FBXO31: variants seen among roughly 807,000 people sequenced by gnomAD.
The protein encoded by FBXO31 is F-box protein 31.
A neutral mutation model predicts 54.4 loss-of-function variants in FBXO31; 24 were observed. That is an observed-to-expected ratio of 0.44 (90% CI 0.32 to 0.62). The LOEUF (loss-of-function observed/expected upper bound fraction) is 0.62. FBXO31 is among the 20% of genes least tolerant of loss of function. The pLI is 0.05. For synonymous variants in FBXO31, 388 were observed against 335.6 expected (o/e 1.16, Z -1.71); for missense variants, 665 against 787.1 (o/e 0.84, Z 1.86).
intron 2 of FBXO31, among the ~76,000 whole-genome samples, chr16:87,357,666 C>A (rs906119204): frequency 2.0e-5 from 3 of 152,090 alleles, no homozygotes; most frequent in Non-Finnish European, 2.9e-5. Context: ...AACTGTTAGC[C>A]AGGCACGGTA....
chr16:87,351,337 T>C (rs1276138059), intron 2 of FBXO31, among the ~76,000 whole-genome samples: 1 of 152,186 alleles, frequency 6.6e-6, no homozygotes, highest in East Asian at 1.9e-4. Context: ...ATTTTTATTA[T>C]AAACATGTCA....
At chr16:87,367,440 GT>G (rs1446514464) in intron 1 of FBXO31, 1 of 152,210 alleles carries the variant, frequency 6.6e-6, no homozygotes, top group Non-Finnish European at 1.5e-5. Context: ...TCCCAGGGGG[GT>G]CCTGCCAGTG....
intron 1 of FBXO31, among the ~76,000 whole-genome samples, chr16:87,365,385 CAATT>C (rs1403447037): frequency 1.3e-5 from 2 of 152,142 alleles, no homozygotes; most frequent in African/African-American, 4.8e-5. Flanking sequence ...CAATTGTAAA[CAATT>C]AATATTGCCC....
chr16:87,386,578 C>A (rs374113290), upstream of FBXO31, among the ~76,000 whole-genome samples: 1 of 152,178 alleles, frequency 6.6e-6, no homozygotes, highest in African/African-American at 2.4e-5. Context: ...GGATTACAGG[C>A]GAGTGCCACC....
chr16:87,364,747 T>C (rs931922755), intron 1 of FBXO31, among the ~76,000 whole-genome samples: 3 of 151,740 alleles, frequency 2.0e-5, no homozygotes, highest in African/African-American at 7.3e-5. Flanking sequence ...AAACATTTTA[T>C]CTGGTGGCTC....
intron 2 of FBXO31, among the ~76,000 whole-genome samples, chr16:87,357,327 CTTTT>C (rs34678078): frequency 2.4e-5 from 3 of 123,404 alleles, no homozygotes; most frequent in Admixed American, 8.4e-5. Context: ...GAATTCGGTT[CTTTT>C]TTTTTTTTTT....
At chr16:87,380,373 C>T (rs150923263) in intron 1 of FBXO31, among the ~76,000 whole-genome samples, 155 of 151,562 alleles carry the variant, frequency 1.0e-3, no homozygotes, top group African/African-American at 3.6e-3. Flanking sequence ...TGGGGATGGC[C>T]GGAAATATGC....
intron 1 of FBXO31, among the ~76,000 whole-genome samples, chr16:87,375,208 G>A (rs768597176): frequency 1.3e-5 from 2 of 152,192 alleles, no homozygotes; most frequent in Non-Finnish European, 2.9e-5. Context: ...TGGAGAGGCT[G>A]AGGCAGGAGA....
intron 8 of FBXO31, among the ~76,000 whole-genome samples, chr16:87,331,893 A>C (rs1316897077): frequency 6.6e-6 from 1 of 152,230 alleles, no homozygotes; most frequent in Non-Finnish European, 1.5e-5. Context: ...CACACATTTC[A>C]TAAAGGAGGC....
intron 2 of FBXO31, among the ~76,000 whole-genome samples, chr16:87,357,402 T>C (rs1905942450): frequency 6.7e-6 from 1 of 149,804 alleles, no homozygotes; most frequent in African/African-American, 2.5e-5. Context: ...TGATCTCGGC[T>C]CACTGCAACC....
At chr16:87,368,306 A>G (rs995326672) in intron 1 of FBXO31, among the ~76,000 whole-genome samples, 11 of 152,214 alleles carry the variant, frequency 7.2e-5, no homozygotes, top group Admixed American at 6.5e-4. Flanking sequence ...TATTTTCCAC[A>G]TGATGAAAAA....
chr16:87,352,997 G>A (rs1489810295), intron 2 of FBXO31, among the ~76,000 whole-genome samples: 3 of 152,208 alleles, frequency 2.0e-5, no homozygotes, highest in Admixed American at 1.3e-4. Flanking sequence ...GATTTTGTGG[G>A]TGGATGCCCC....
chr16:87,390,586 G>A (rs570013366), upstream of FBXO31, among the ~76,000 whole-genome samples: 389 of 150,670 alleles, frequency 2.6e-3, no homozygotes, highest in African/African-American at 8.8e-3. Context: ...GATTACAGGC[G>A]CCTGCCACCA....
chr16:87,327,233 A>T lies in FBXO31; in HGVS notation c.*4055T>A, dbSNP rs1567609915. The T allele has an allele frequency of 6.5e-6, 1 of 152,822 alleles. No individual in the cohort carries two copies. Among genetic ancestry groups the T allele is most frequent in the Non-Finnish European group, 1.5e-5 (1 of 68,554 alleles). 9.5% of individuals were successfully genotyped at this position (152,822 alleles called of 1,614,324 possible). Reference sequence around the variant, plus strand: ...CAAATGCAGAATCAGGCCAAAACCCACACAGCCCTGACCCCCTCGTGCTCT... The same window carrying T: ...CAAATGCAGAATCAGGCCAAAACCCTCACAGCCCTGACCCCCTCGTGCTCT... On this transcript the variant is annotated 3_prime_UTR_variant, in exon 9 of 9. Coordinates refer to ENST00000311635, the MANE Select transcript of FBXO31 (RefSeq NM_024735.5).
At chr16:87,357,399 G>A (rs911030384) in intron 2 of FBXO31, among the ~76,000 whole-genome samples, 6 of 147,262 alleles carry the variant, frequency 4.1e-5, no homozygotes, top group African/African-American at 1.5e-4. Flanking sequence ...GCGTGATCTC[G>A]GCTCACTGCA....
Position 87,335,383 on chromosome 16 carries a change from T to C in FBXO31, c.917A>G (p.Lys306Arg). ...PDDLIKPGLF[K>R]GTYGSHGLEI... is the part of the protein sequence containing the mutation. ...CAGGCCGTGGCTGCCATAGGTACCT[T>C]TGAAGAGGCCAGGCTTGATGAGGTC... Residue 306 changes from lysine (K) to arginine (R), a missense_variant, in exon 7 of 9, where the codon AAA (lysine) becomes AGA (arginine). Physicochemically the swap from Lys to Arg is conservative, Grantham distance 26 (BLOSUM62 2). Transcript: ENST00000311635. This position sits in a 1 kb window ranked among gnomAD's most constrained non-coding sequence, Gnocchi z 5.7. The C allele has an allele frequency of 1.2e-6, 2 of 1,614,006 alleles. No individual in the cohort carries two copies. Among genetic ancestry groups the C allele is most frequent in the Non-Finnish European group, 1.7e-6 (2 of 1,179,988 alleles).
At position 87,383,098 on chromosome 16, in the gene FBXO31, G is replaced by A. The variant is rs1907157242; in HGVS notation, c.340+307C>T. On this transcript the variant is annotated intron_variant, in intron 1 of 8. Transcript: ENST00000311635. This position sits in a 1 kb window ranked among gnomAD's most constrained non-coding sequence, Gnocchi z 4.9. ...CAGCTCCCGGCACGGCCTCGGCCCC[G>A]TGGTGTCCCGTGCCCCGCGTCAGGG... is the stretch of plus-strand genomic sequence containing the variant. 6.6e-6 allele frequency among the ~76,000 whole-genome samples: 1 copy of A among 151,998 alleles called. No homozygotes were observed. Among genetic ancestry groups the A allele is most frequent in the African/African-American group, 2.4e-5 (1 of 41,380 alleles).
chr16:87,341,830 T>G lies in FBXO31; in HGVS notation c.732+1047A>C, dbSNP rs569970452. 1.2e-4 allele frequency among the ~76,000 whole-genome samples: 18 copies of G among 152,284 alleles called. No homozygotes were observed. In the East Asian group the frequency reaches 3.3e-3, roughly 28 times the overall value. On this transcript the variant is annotated intron_variant, in intron 5 of 8. Coordinates refer to ENST00000311635, the MANE Select transcript of FBXO31 (RefSeq NM_024735.5). ...GGAACGTCACTTACTTGCAAAGAAT[T>G]CCGAGAAACAGGACATTTGGTTCAT... is the stretch of plus-strand genomic sequence containing the variant.
At chr16:87,349,289 G>T (rs910563809) in intron 2 of FBXO31, among the ~76,000 whole-genome samples, 1 of 152,160 alleles carries the variant, frequency 6.6e-6, no homozygotes, top group Non-Finnish European at 1.5e-5. Flanking sequence ...ATCAAAACAA[G>T]AACAGAATGA....
Sources: gnomAD v4.1 joint callset for allele counts (sites outside exome capture counted in the v4.1 genomes callset) on GRCh38, gnomAD v4.1.1 for gene constraint, Gnocchi (gnomAD v3.1) non-coding constraint, MANE v1.5 for transcripts, NCBI Gene and HGNC (gene_info 2026-07-23, HGNC 2026-07-21) for gene names.